C16orf78: variants seen among roughly 807,000 people sequenced by gnomAD.
The protein encoded by C16orf78 is chromosome 16 open reading frame 78, also known as uncharacterized protein C16orf78.
Under a neutral mutation model 27.3 loss-of-function variants are expected in C16orf78, and 19 were observed. That is an observed-to-expected ratio of 0.70 (90% CI 0.49 to 1.02). C16orf78 has a LOEUF of 1.02. C16orf78 is among the 50% of genes least tolerant of loss of function. The probability of loss-of-function intolerance (pLI) is 0.00; values close to 1 mark genes in which losing one functional copy is unlikely to be tolerated. For missense variants in C16orf78, 339 were observed against 337.0 expected (o/e 1.01, Z -0.05); for synonymous variants, 130 against 116.1 (o/e 1.12, Z -0.77).
chr16:49,399,053 A>C, intron 4 of C16orf78, 78 bp from the exon 5 acceptor site: 1 of 1,499,154 alleles, frequency 6.7e-7, no homozygotes. Context: ...TGCTGCTCAA[A>C]TCTAAGCTCT....
At chr16:49,387,494 G>A (rs760722560) in intron 3 of C16orf78, among the ~76,000 whole-genome samples, 2 of 152,134 alleles carry the variant, frequency 1.3e-5, no homozygotes, top group Non-Finnish European at 2.9e-5. Flanking sequence ...CAAGGAACTG[G>A]CCTGACATTT....
chr16:49,380,331 AC>A (rs1965271734), intron 3 of C16orf78, among the ~76,000 whole-genome samples: 1 of 152,160 alleles, frequency 6.6e-6, no homozygotes, highest in Non-Finnish European at 1.5e-5. Flanking sequence ...CCTCGATGGA[AC>A]CTTGATTAAT....
intron 1 of C16orf78, among the ~76,000 whole-genome samples, chr16:49,376,205 G>GCC (rs1210030389): frequency 6.6e-6 from 1 of 152,200 alleles, no homozygotes; most frequent in African/African-American, 2.4e-5. Flanking sequence ...CCTGGGGTCT[G>GCC]ACCTGGCCAT....
At chr16:49,374,333 G>C (rs1965190160) in intron 1 of C16orf78, among the ~76,000 whole-genome samples, 1 of 152,212 alleles carries the variant, frequency 6.6e-6, no homozygotes, top group South Asian at 2.1e-4. Context: ...GAGACTGAGA[G>C]ACAAGGTACA....
intron 3 of C16orf78, among the ~76,000 whole-genome samples, chr16:49,379,699 C>A (rs1051380891): frequency 6.6e-6 from 1 of 152,108 alleles, no homozygotes; most frequent in African/African-American, 2.4e-5. Flanking sequence ...TTAGTCGTGA[C>A]AAACATGCCA....
At position 49,396,463 on chromosome 16, in the gene C16orf78, G is replaced by A. The variant is rs2151616618; in HGVS notation, c.435G>A (p.Gln145=). ...ATGCAGTCGACCCAGAGTCCACTCA[G>A]CGGCCAAACCCATTCCGTCGACAAA... ...IKDAVDPEST[Q]RPNPFRRQSI... The change falls in exon 4 of 5, where the codon CAG becomes CAA. Residue 145 remains glutamine, a synonymous_variant. Transcript: ENST00000299191. 1 of 1,614,186 alleles carries A rather than the reference G, an allele frequency of 6.2e-7. No homozygotes were observed. Among genetic ancestry groups the A allele is most frequent in the Non-Finnish European group, 8.5e-7 (1 of 1,180,038 alleles).
intron 2 of C16orf78, 127 bp from the exon 3 acceptor site, chr16:49,378,343 C>T: frequency 1.5e-6 from 2 of 1,378,600 alleles, no homozygotes; most frequent in Non-Finnish European, 1.9e-6. Context: ...CCCGGGGAAG[C>T]TCTCTCCTTG....
intron 3 of C16orf78, among the ~76,000 whole-genome samples, chr16:49,389,187 C>T (rs1293367069): frequency 1.3e-5 from 2 of 152,216 alleles, no homozygotes; most frequent in Non-Finnish European, 2.9e-5. Context: ...CTTTGGGAGA[C>T]GGAGGTGGGT....
rs757007326 is a variant in C16orf78 at position 49,394,845 on chromosome 16, C to A, written c.395-1578C>A. ...TTACTGTGGTTGCTGGTATACTAGACAACTATAGTTTTTTGTTTGCTTGTT... is the reference window on the plus strand; with the variant it reads ...TTACTGTGGTTGCTGGTATACTAGAAAACTATAGTTTTTTGTTTGCTTGTT... On this transcript the variant is annotated intron_variant, in intron 3 of 4. Coordinates refer to ENST00000299191, the MANE Select transcript of C16orf78 (RefSeq NM_144602.4). Among the ~76,000 whole-genome samples the A allele has an allele frequency of 7.9e-5, 12 of 152,046 alleles. 1 individual carries two copies. The highest frequency in any genetic ancestry group is 1.5e-4 in the Non-Finnish European group (10 of 67,996).
In C16orf78 at chr16:49,375,109, A is replaced by G. The variant is rs535425496; in HGVS notation, c.150+1020A>G. Among the ~76,000 whole-genome samples, 3 of 152,328 alleles carry G rather than the reference A, an allele frequency of 2.0e-5. No individual in the cohort carries two copies. In the East Asian group the frequency reaches 5.8e-4, roughly 29 times the overall value. ...TTTTACCCCTAGTTGAAGGATAAGG[A>G]AAGTGAAAATAAGTCATTTTATTGA... On this transcript the variant is annotated intron_variant, in intron 1 of 4. Coordinates refer to ENST00000299191, the MANE Select transcript of C16orf78 (RefSeq NM_144602.4).
At chr16:49,377,905 G>A in intron 2 of C16orf78, 55 bp downstream of exon 2, 1 of 1,541,522 alleles carries the variant, frequency 6.5e-7, no homozygotes, top group East Asian at 2.4e-5. Flanking sequence ...AATGGAGGAG[G>A]GGTCCCTGCT....
chr16:49,389,046 CTCTT>C (rs1428422667), intron 3 of C16orf78, among the ~76,000 whole-genome samples: 4 of 152,202 alleles, frequency 2.6e-5, no homozygotes, highest in African/African-American at 7.2e-5. Context: ...TCTTTGCTTT[CTCTT>C]TCTTCTTTTC....
intron 1 of C16orf78, among the ~76,000 whole-genome samples, chr16:49,375,829 C>G (rs1375588243): frequency 6.6e-6 from 1 of 152,184 alleles, no homozygotes; most frequent in Non-Finnish European, 1.5e-5. Flanking sequence ...TTCTGGGTCT[C>G]TCCAAACTCA....
In C16orf78 at chr16:49,395,396, G is replaced by A. The variant is rs142909986; in HGVS notation, c.395-1027G>A. 2.6e-3 allele frequency among the ~76,000 whole-genome samples: 403 copies of A among 152,220 alleles called. 2 individuals carry two copies. Among genetic ancestry groups the A allele is most frequent in the Middle Eastern group, 0.01 (3 of 294 alleles). The stretch of plus-strand genomic sequence containing the variant: ...AGGCTGGCCACATGGGACCCAGGAC[G>A]GATTTGAATGTGGCTCAACATAAAT... On this transcript the variant is annotated intron_variant, in intron 3 of 4. Coordinates refer to ENST00000299191, the MANE Select transcript of C16orf78 (RefSeq NM_144602.4).
At chr16:49,398,090 ACATATG>A (rs1382559918) in intron 4 of C16orf78, among the ~76,000 whole-genome samples, 1 of 152,236 alleles carries the variant, frequency 6.6e-6, no homozygotes, top group Non-Finnish European at 1.5e-5. Flanking sequence ...GTCCCCATAT[ACATATG>A]CATGAGACCC....
intron 3 of C16orf78, among the ~76,000 whole-genome samples, chr16:49,388,891 A>C (rs1965379771): frequency 6.6e-6 from 1 of 152,240 alleles, no homozygotes; most frequent in Non-Finnish European, 1.5e-5. Flanking sequence ...TAACAAATTC[A>C]AGAGGACTAG....
intron 3 of C16orf78, among the ~76,000 whole-genome samples, chr16:49,381,947 A>G (rs1368878628): frequency 2.0e-5 from 3 of 151,546 alleles, no homozygotes; most frequent in Non-Finnish European, 3.0e-5. Context: ...TCATGCTGCT[A>G]TAAAGACACA....
chr16:49,392,900 A>G (rs185442325), intron 3 of C16orf78, among the ~76,000 whole-genome samples: 1 of 152,280 alleles, frequency 6.6e-6, no homozygotes, highest in Non-Finnish European at 1.5e-5. Flanking sequence ...GTGGGAAGTA[A>G]TTGAATCATG....
At chr16:49,379,844 G>A (rs1344234587) in intron 3 of C16orf78, among the ~76,000 whole-genome samples, 1 of 152,226 alleles carries the variant, frequency 6.6e-6, no homozygotes, top group Non-Finnish European at 1.5e-5. Flanking sequence ...ATTGAAGAAT[G>A]CAAAGTATTG....
Sources: allele counts gnomAD v4.1 joint callset (sites outside exome capture counted in the v4.1 genomes callset), GRCh38; gene constraint gnomAD v4.1.1; transcripts MANE v1.5; gene names NCBI Gene and HGNC (gene_info 2026-07-23, HGNC 2026-07-21).